Variants in DPP6 observed in about 807,000 individuals in gnomAD.
DPP6 encodes the protein dipeptidyl peptidase like 6.
Under a neutral mutation model 122.6 loss-of-function variants are expected in DPP6, and 69 were observed. The ratio of observed to expected loss-of-function variants is 0.56; its 90% CI spans 0.46 to 0.69. The LOEUF (loss-of-function observed/expected upper bound fraction) is 0.69. Among genes scored for constraint, DPP6 ranks in the 30% least tolerant of loss-of-function variants. The pLI is 0.00. For synonymous variants in DPP6, 418 were observed against 433.1 expected (o/e 0.97, Z 0.43); for missense variants, 928 against 1,116.9 (o/e 0.83, Z 2.41).
chr7:153,904,260 C>A (rs1319007319), intron 1 of DPP6, among the ~76,000 whole-genome samples: 1 of 152,140 alleles, frequency 6.6e-6, no homozygotes, highest in Non-Finnish European at 1.5e-5. Context: ...CTGTGTTGGC[C>A]AGGCTGGTCT....
chr7:154,252,594 T>TA (rs1356929867), intron 1 of DPP6, among the ~76,000 whole-genome samples: 1 of 152,244 alleles, frequency 6.6e-6, no homozygotes, highest in Non-Finnish European at 1.5e-5. Context: ...ATGTCATTGT[T>TA]AATTCCTGAT....
intron 1 of DPP6, among the ~76,000 whole-genome samples, chr7:153,936,733 C>A (rs1179978537): frequency 6.6e-6 from 1 of 151,922 alleles, no homozygotes; most frequent in Admixed American, 6.6e-5. Flanking sequence ...ATGGCGTGAA[C>A]CTGGGAGGTG....
At chr7:154,736,062 C>G (rs994133338) in intron 8 of DPP6, among the ~76,000 whole-genome samples, 1 of 152,248 alleles carries the variant, frequency 6.6e-6, no homozygotes, top group African/African-American at 2.4e-5. Flanking sequence ...ACATCCTAAC[C>G]AGCACCATCT....
chr7:154,335,635 A>G (rs888332550), intron 1 of DPP6, among the ~76,000 whole-genome samples: 3 of 152,186 alleles, frequency 2.0e-5, no homozygotes, highest in African/African-American at 7.2e-5. Context: ...ACTGTAGCAC[A>G]AGATTGCAGG....
Position 154,781,521 on chromosome 7 carries a change from G to A in DPP6, c.1136+8579G>A, listed in dbSNP as rs74949995. On this transcript the variant is annotated intron_variant, in intron 10 of 25. Coordinates refer to ENST00000377770, the MANE Select transcript of DPP6 (RefSeq NM_130797.4). Reference sequence around the variant, plus strand: ...ACCAAATAGTAATTTGTCTTAAGTCGTCACTTTTCTGTGTTGTAGAAGGCA... The same window carrying A: ...ACCAAATAGTAATTTGTCTTAAGTCATCACTTTTCTGTGTTGTAGAAGGCA... 6.3e-3 allele frequency among the ~76,000 whole-genome samples: 963 copies of A among 152,238 alleles called. 4 individuals carry two copies. Among genetic ancestry groups the A allele is most frequent in the Non-Finnish European group, 0.011 (746 of 68,008 alleles).
chr7:154,240,260 T>A (rs1282659145), intron 1 of DPP6, among the ~76,000 whole-genome samples: 1 of 152,122 alleles, frequency 6.6e-6, no homozygotes, highest in Non-Finnish European at 1.5e-5. Flanking sequence ...TATTTTAAGA[T>A]ACTGCCAGCG....
intron 1 of DPP6, among the ~76,000 whole-genome samples, chr7:154,332,385 T>C (rs115872145): frequency 0.037 from 5,691 of 152,298 alleles, 138 homozygotes; most frequent in African/African-American, 0.063. Context: ...GTTTTCAAAC[T>C]TTAATGTGCA....
In DPP6 at chr7:154,445,684, C is replaced by T. The variant is rs145316890; in HGVS notation, c.244-530C>T. Among the ~76,000 whole-genome samples the T allele has an allele frequency of 4.0e-4, 60 of 151,566 alleles. 1 individual carries two copies. The East Asian group carries it at 9.7e-3, about 24-fold the overall frequency. ...AAAAAAGAAAAGCCTGAAGGCAGTG[C>T]GATGGGCAGAAGTTGGTGAAAATTG... On this transcript the variant is annotated intron_variant, in intron 1 of 25. Transcript: ENST00000377770.
intron 1 of DPP6, among the ~76,000 whole-genome samples, chr7:154,281,959 G>T (rs1045799438): frequency 6.6e-6 from 1 of 152,154 alleles, no homozygotes; most frequent in Non-Finnish European, 1.5e-5. Flanking sequence ...GGTATGGGGG[G>T]TTTGGAGCCA....
At chr7:154,232,660 G>C (rs1800985401) in intron 1 of DPP6, among the ~76,000 whole-genome samples, 1 of 152,186 alleles carries the variant, frequency 6.6e-6, no homozygotes, top group African/African-American at 2.4e-5. Flanking sequence ...CTCCATGTTA[G>C]CATGTTCTAT....
At chr7:154,829,532 A>G (rs765895089) in intron 16 of DPP6, among the ~76,000 whole-genome samples, 10 of 151,768 alleles carry the variant, frequency 6.6e-5, no homozygotes, top group Admixed American at 1.3e-4. Flanking sequence ...AGAGGGAGGA[A>G]GGGAAAAAGA....
intron 1 of DPP6, among the ~76,000 whole-genome samples, chr7:154,170,590 C>T (rs1281121908): frequency 6.6e-6 from 1 of 152,168 alleles, no homozygotes; most frequent in Non-Finnish European, 1.5e-5. Context: ...AATTTATTAT[C>T]CTCCGAATCT....
At chr7:154,798,123 C>A (rs968716165) in intron 12 of DPP6, among the ~76,000 whole-genome samples, 1 of 152,214 alleles carries the variant, frequency 6.6e-6, no homozygotes, top group Non-Finnish European at 1.5e-5. Context: ...TCCCTGTCCC[C>A]CTCAAGAGGC....
Position 154,617,069 on chromosome 7 carries a change from A to G in DPP6, c.628-20752A>G, listed in dbSNP as rs1222755957. On this transcript the variant is annotated intron_variant, in intron 5 of 25. Coordinates refer to ENST00000377770, the MANE Select transcript of DPP6 (RefSeq NM_130797.4). ...TCTGCTCCATATGAATGCATCTTGG[A>G]TAGAATGTGTTTGGTTTGGCTTTTA... 2.0e-5 allele frequency among the ~76,000 whole-genome samples: 3 copies of G among 152,164 alleles called. No individual in the cohort carries two copies. In the East Asian group the frequency reaches 5.8e-4, roughly 29 times the overall value.
chr7:154,581,274 G>A (rs372360684), intron 5 of DPP6, among the ~76,000 whole-genome samples: 2 of 152,192 alleles, frequency 1.3e-5, no homozygotes, highest in African/African-American at 4.8e-5. Flanking sequence ...CTTGGGGAAG[G>A]TGGAGGGAGA....
chr7:153,862,087 C>A, the DPP6 span, among the ~76,000 whole-genome samples: 2 of 152,164 alleles, frequency 1.3e-5, no homozygotes, highest in Non-Finnish European at 1.5e-5. Context: ...TGGGGCCTGA[C>A]TCCAGGCTCC....
intron 1 of DPP6, among the ~76,000 whole-genome samples, chr7:154,197,565 C>A (rs148662544): frequency 6.6e-6 from 1 of 152,144 alleles, no homozygotes; most frequent in African/African-American, 2.4e-5. Context: ...GAACATCCAG[C>A]GCCTTCCCTG....
At chr7:153,836,884 G>T in the DPP6 span, among the ~76,000 whole-genome samples, 1 of 152,208 alleles carries the variant, frequency 6.6e-6, no homozygotes, top group African/African-American at 2.4e-5. Flanking sequence ...CCCAGGTTCA[G>T]ATAAATTGTG....
chr7:153,814,727 G>A, the DPP6 span, among the ~76,000 whole-genome samples: 1 of 152,078 alleles, frequency 6.6e-6, no homozygotes, highest in Non-Finnish European at 1.5e-5. Context: ...CTGGCAAAAC[G>A]AATCCAGCAG....
Sources: allele counts gnomAD v4.1 joint callset (sites outside exome capture counted in the v4.1 genomes callset), GRCh38; gene constraint gnomAD v4.1.1; transcripts MANE v1.5; gene names NCBI Gene and HGNC (gene_info 2026-07-23, HGNC 2026-07-21).